Variants in ZNF469 observed in about 807,000 individuals in gnomAD.
ZNF469 encodes zinc finger protein 469.
ZNF469 carries 1 observed loss-of-function variant against 1.0 expected under a neutral mutation model. The ratio of observed to expected loss-of-function variants is 1.00; its 90% CI spans 0.35 to 4.73. The LOEUF is 4.73. Ranked by LOEUF, ZNF469 falls within the 30% of genes most tolerant of loss-of-function variation. ZNF469 has a pLI of 0.16. For missense variants in ZNF469, 6,100 were observed against 5,356.3 expected (o/e 1.14, Z -4.33); for synonymous variants, 2,703 against 2,363.4 (o/e 1.14, Z -4.17).
the ZNF469 span, among the ~76,000 whole-genome samples, chr16:88,215,784 C>T: frequency 6.6e-6 from 1 of 152,068 alleles, no homozygotes; most frequent in Non-Finnish European, 1.5e-5. Context: ...GCGATTAAAA[C>T]AGGTACTTGA....
chr16:88,307,032 A>G, the ZNF469 span, among the ~76,000 whole-genome samples: 2 of 152,124 alleles, frequency 1.3e-5, no homozygotes, highest in African/African-American at 4.8e-5. Context: ...GTCCCTGGCA[A>G]CCGCCAATCC....
chr16:88,332,051 G>C, the ZNF469 span, among the ~76,000 whole-genome samples: 1 of 151,998 alleles, frequency 6.6e-6, no homozygotes, highest in African/African-American at 2.4e-5. Context: ...GGCAGCCCCC[G>C]AGTCCCCTTT....
the ZNF469 span, among the ~76,000 whole-genome samples, chr16:88,191,969 T>C: frequency 6.6e-5 from 10 of 152,150 alleles, no homozygotes; most frequent in Admixed American, 6.5e-4. Context: ...GGGGGGGACT[T>C]TGGAGGGTGA....
At chr16:88,386,692 C>G (rs538294498) in intron 1 of ZNF469, among the ~76,000 whole-genome samples, 26 of 152,334 alleles carry the variant, frequency 1.7e-4, no homozygotes, top group African/African-American at 6.0e-4. Flanking sequence ...GCTTCCAGGT[C>G]AAGCCTGTCT....
chr16:88,272,683 T>G, the ZNF469 span, among the ~76,000 whole-genome samples: 1 of 150,346 alleles, frequency 6.7e-6, no homozygotes, highest in Admixed American at 6.6e-5. Context: ...GGTGTATGGA[T>G]AGACGAGTGG....
chr16:88,434,412 G>A lies in ZNF469; in HGVS notation c.6942G>A (p.Pro2314=), dbSNP rs1442418330. The A allele has an allele frequency of 5.2e-6, 8 of 1,549,472 alleles. No homozygotes were observed. The highest frequency in any genetic ancestry group is 6.1e-6 in the Non-Finnish European group (7 of 1,146,928). ...PGPDPQSRGA[P]PHTNPDRMPR... is the part of the protein sequence containing the mutation. ...CAGACCCCCAGAGCAGGGGAGCCCC[G>A]CCCCACACCAACCCTGACAGGATGC... The change falls in exon 3 of 3, where the codon CCG becomes CCA. Residue 2314 remains proline, a synonymous_variant. Transcript: ENST00000565624.
chr16:88,380,977 CATATGCACTCACACAG>C (rs1473154122), upstream of ZNF469, among the ~76,000 whole-genome samples: 13 of 141,278 alleles, frequency 9.2e-5, no homozygotes, highest in African/African-American at 8.3e-5. Flanking sequence ...TGCACTCACA[CATATGCACTCACACAG>C]ACATGCACTC....
chr16:88,279,148 A>G, the ZNF469 span, among the ~76,000 whole-genome samples: 2,300 of 62,304 alleles, frequency 0.037, 174 homozygotes, highest in East Asian at 0.074. Context: ...CCACGCCGAC[A>G]CTTGGTCAGT....
chr16:88,289,542 C>G, the ZNF469 span, among the ~76,000 whole-genome samples: 1 of 152,110 alleles, frequency 6.6e-6, no homozygotes, highest in Non-Finnish European at 1.5e-5. Context: ...GAGTGCTTCA[C>G]CTAAATTAGC....
In ZNF469 at chr16:88,436,772, C is replaced by T; in HGVS notation, c.9302C>T (p.Ala3101Val). 6.5e-7 allele frequency: 1 copy of T among 1,546,536 alleles called. No homozygotes were observed. ...RTEEAAGAGR[A>V]QGRGRPAKGR... ...GAGGAGGCTGCAGGGGCAGGGAGGG[C>T]CCAAGGCAGAGGCCGGCCGGCCAAG... Residue 3101 changes from alanine (A) to valine (V), a missense_variant, in exon 3 of 3, where the codon GCC becomes GTC. Transcript: ENST00000565624.
chr16:88,391,871 GA>G (rs1567498732), intron 1 of ZNF469, among the ~76,000 whole-genome samples: 1 of 152,148 alleles, frequency 6.6e-6, no homozygotes, highest in Non-Finnish European at 1.5e-5. Flanking sequence ...CTCACCAATA[GA>G]AATAGCTAGA....
At chr16:88,316,561 T>TTTTTTTC in the ZNF469 span, among the ~76,000 whole-genome samples, 2 of 148,644 alleles carry the variant, frequency 1.3e-5, no homozygotes, top group Admixed American at 6.7e-5. Context: ...TTTTTTTTTT[T>TTTTTTTC]TTTGAGACAG....
chr16:88,322,174 C>G, the ZNF469 span, among the ~76,000 whole-genome samples: 1 of 152,206 alleles, frequency 6.6e-6, no homozygotes, highest in Non-Finnish European at 1.5e-5. Flanking sequence ...GCATCTTCTC[C>G]CAGCCTCCGA....
rs1906510175 is a variant in ZNF469 at position 88,435,544 on chromosome 16, C to T, written c.8074C>T (p.Pro2692Ser). 1 of 1,549,610 alleles carries T rather than the reference C, an allele frequency of 6.5e-7. No individual in the cohort carries two copies. Among genetic ancestry groups the T allele is most frequent in the South Asian group, 1.2e-5 (1 of 84,066 alleles). The part of the protein sequence containing the change: ...EGGPEADGEQ[P>S]PRLATLGPGV... ...AGGGCCTGAGGCTGACGGGGAGCAG[C>T]CGCCTCGCTTGGCCACTCTGGGACC... The change falls in exon 3 of 3, where the codon CCG becomes TCG. Residue 2692 changes from proline (P) to serine (S), a missense_variant. Coordinates refer to ENST00000565624, the MANE Select transcript of ZNF469 (RefSeq NM_001367624.2).
chr16:88,120,196 C>T, the ZNF469 span, among the ~76,000 whole-genome samples: 4 of 152,294 alleles, frequency 2.6e-5, no homozygotes, highest in East Asian at 1.9e-4. Context: ...CCGTGGTTGC[C>T]GAGGAGGAGA....
At chr16:88,232,106 A>T in the ZNF469 span, among the ~76,000 whole-genome samples, 2 of 152,140 alleles carry the variant, frequency 1.3e-5, no homozygotes, top group East Asian at 1.9e-4. Context: ...TCAGACCTCG[A>T]CCACGCAAAG....
chr16:88,377,390 G>A, the ZNF469 span, among the ~76,000 whole-genome samples: 1 of 152,238 alleles, frequency 6.6e-6, no homozygotes, highest in Admixed American at 6.5e-5. Flanking sequence ...GGCAGCACGT[G>A]AATGTGTGAG....
chr16:88,133,635 A>AAAT, the ZNF469 span, among the ~76,000 whole-genome samples: 4,918 of 151,250 alleles, frequency 0.033, no homozygotes, highest in African/African-American at 0.11. Context: ...TAGATTAATA[A>AAAT]AATAAATTAT....
the ZNF469 span, among the ~76,000 whole-genome samples, chr16:88,368,389 CTCTGCGAGGTGGGGGT>C: frequency 1.3e-5 from 2 of 152,210 alleles, no homozygotes; most frequent in African/African-American, 4.8e-5. Context: ...CTTGCAGGGG[CTCTGCGAGGTGGGGGT>C]TCTGCGAGGT....
Sources: gnomAD v4.1 joint callset for allele counts (sites outside exome capture counted in the v4.1 genomes callset) on GRCh38, gnomAD v4.1.1 for gene constraint, MANE v1.5 for transcripts, NCBI Gene and HGNC (gene_info 2026-07-23, HGNC 2026-07-21) for gene names.